CDH23: variants seen among roughly 807,000 people sequenced by gnomAD.
The protein encoded by CDH23 is cadherin related 23, also known as cadherin-23.
A neutral mutation model predicts 317.1 loss-of-function variants in CDH23; 189 were observed. The observed-to-expected ratio is 0.60, with a 90% confidence interval of 0.53 to 0.67. The LOEUF is 0.67. Ranked by LOEUF, CDH23 falls within the 30% of genes least tolerant of loss-of-function variation. The probability of loss-of-function intolerance (pLI) is 0.00; values close to 1 mark genes in which losing one functional copy is unlikely to be tolerated. For missense variants in CDH23, 4,401 were observed against 4,592.4 expected (o/e 0.96, Z 1.20); for synonymous variants, 1,839 against 1,876.8 (o/e 0.98, Z 0.52).
At chr10:71,586,704 C>A (rs1331387795) in intron 9 of CDH23, among the ~76,000 whole-genome samples, 1 of 152,202 alleles carries the variant, frequency 6.6e-6, no homozygotes, top group African/African-American at 2.4e-5. Context: ...TTGAATCCTG[C>A]ATTCTCTTAT....
chr10:71,444,151 C>A (rs781084888), intron 2 of CDH23, among the ~76,000 whole-genome samples: 2 of 152,248 alleles, frequency 1.3e-5, no homozygotes, highest in Non-Finnish European at 2.9e-5. Flanking sequence ...AAAGCCTTCC[C>A]GTCGGCTGCA....
chr10:71,781,669 T>G (rs1475067251), intron 41 of CDH23, among the ~76,000 whole-genome samples: 1 of 152,160 alleles, frequency 6.6e-6, no homozygotes, highest in Non-Finnish European at 1.5e-5. Flanking sequence ...ATTTGGGGCC[T>G]TGTGGGGGAG....
chr10:71,610,991 C>T (rs899039400), intron 9 of CDH23, among the ~76,000 whole-genome samples: 1 of 152,118 alleles, frequency 6.6e-6, no homozygotes, highest in South Asian at 2.1e-4. Context: ...CCTGTCCACC[C>T]AGGGGAAGCA....
intron 9 of CDH23, among the ~76,000 whole-genome samples, chr10:71,587,379 C>T (rs1170097663): frequency 1.3e-5 from 2 of 152,194 alleles, no homozygotes; most frequent in Admixed American, 1.3e-4. Flanking sequence ...CCAGTGAGTA[C>T]TTATTGAGTG....
intron 28 of CDH23, chr10:71,716,383 T>C: frequency 6.9e-7 from 1 of 1,445,408 alleles, no homozygotes; most frequent in Non-Finnish European, 9.2e-7. Flanking sequence ...GCAGATCAGC[T>C]GGACCCAGGG....
At chr10:71,480,454 G>A (rs1852009018) in intron 3 of CDH23, among the ~76,000 whole-genome samples, 1 of 152,226 alleles carries the variant, frequency 6.6e-6, no homozygotes, top group Admixed American at 6.5e-5. Context: ...CGAAAGTGAG[G>A]CCCAGCACAG....
chr10:71,670,812 T>G (rs1864111943), intron 14 of CDH23, among the ~76,000 whole-genome samples: 1 of 152,132 alleles, frequency 6.6e-6, no homozygotes, highest in Non-Finnish European at 1.5e-5. Context: ...ATGAGAGCCT[T>G]CACAAGTAGT....
intron 9 of CDH23, among the ~76,000 whole-genome samples, chr10:71,613,630 T>C (rs2132510375): frequency 6.6e-6 from 1 of 152,306 alleles, no homozygotes; most frequent in Admixed American, 6.5e-5. Context: ...TGAGAATAGC[T>C]TCTGTCCCAA....
chr10:71,624,730 T>C (rs1315549641), intron 11 of CDH23, among the ~76,000 whole-genome samples: 2 of 123,444 alleles, frequency 1.6e-5, no homozygotes, highest in East Asian at 2.6e-4. Context: ...ACTTTAGACA[T>C]TAGCTATTAT....
intron 22 of CDH23, among the ~76,000 whole-genome samples, chr10:71,697,006 C>T (rs1865415992): frequency 6.6e-6 from 1 of 152,246 alleles, no homozygotes; most frequent in Admixed American, 6.5e-5. Context: ...TCAACCCTCA[C>T]CTTTCCCTTA....
chr10:71,539,740 G>C (rs931576769), intron 6 of CDH23, among the ~76,000 whole-genome samples: 3 of 151,276 alleles, frequency 2.0e-5, no homozygotes, highest in African/African-American at 7.3e-5. Flanking sequence ...CTCCATACCT[G>C]TTTCTCTTAG....
chr10:71,802,806 T>C (rs1431389904), intron 53 of CDH23, 92 bp from the exon 54 acceptor site: 1 of 1,374,654 alleles, frequency 7.3e-7, no homozygotes, highest in Non-Finnish European at 1.0e-6. Context: ...GTGCCTGTCC[T>C]TCCTCTATCC....
chr10:71,645,879 C>T lies in CDH23; in HGVS notation c.1189C>T (p.His397Tyr). 1.2e-6 allele frequency: 2 copies of T among 1,613,550 alleles called. No individual in the cohort carries two copies. The highest frequency in any genetic ancestry group is 2.2e-5 in the South Asian group (2 of 91,044). ...EVYLVGNNSHHFIISPTSVQG... is the reference protein window; with the variant it reads ...EVYLVGNNSHYFIISPTSVQG... ...GTACTTGGTGGGGAACAACTCCCACCACTTCATCATCTCCCCGACCTCCGT... is the reference window on the plus strand; with the variant it reads ...GTACTTGGTGGGGAACAACTCCCACTACTTCATCATCTCCCCGACCTCCGT... The change falls in exon 13 of 70, where the codon CAC becomes TAC. Residue 397 changes from histidine (H) to tyrosine (Y), a missense_variant. By Grantham distance (83) the His-to-Tyr change is moderately conservative. This residue lies in a region of CDH23 where 3,068 missense variants were observed against 3,203.3 expected (regional missense o/e 0.96). Coordinates refer to ENST00000224721, the MANE Select transcript of CDH23 (RefSeq NM_022124.6).
chr10:71,561,782 A>C (rs1228791267), intron 6 of CDH23, among the ~76,000 whole-genome samples: 3 of 151,150 alleles, frequency 2.0e-5, no homozygotes, highest in Non-Finnish European at 4.4e-5. Context: ...ATGGGTGTAC[A>C]TTTGGGGAGA....
intron 9 of CDH23, among the ~76,000 whole-genome samples, chr10:71,594,242 G>C (rs749898560): frequency 6.6e-5 from 10 of 152,066 alleles, no homozygotes; most frequent in Admixed American, 2.6e-4. Context: ...ATAAAAAATT[G>C]TGCTCAATTA....
chr10:71,749,412 T>C (rs1407250892), intron 38 of CDH23: 1 of 152,250 alleles, frequency 6.6e-6, no homozygotes, highest in African/African-American at 2.4e-5. Context: ...GCTTAAGCGG[T>C]CCTTCCACCT....
chr10:71,478,859 A>T (rs1048840511), intron 3 of CDH23, among the ~76,000 whole-genome samples: 6 of 152,226 alleles, frequency 3.9e-5, no homozygotes, highest in Admixed American at 3.9e-4. Flanking sequence ...TTAACAAATG[A>T]CTTGGCCAAA....
rs913295506 is a variant in CDH23 at position 71,499,791 on chromosome 10, A to C, written c.146-10291A>C. ...GACGCAGAGGTTGCAGTGAGCTGAG[A>C]TCATGCCATTGCACTCCAGCCTGAG... On this transcript the variant is annotated intron_variant, in intron 3 of 69. Coordinates refer to ENST00000224721, the MANE Select transcript of CDH23 (RefSeq NM_022124.6). 2.0e-5 allele frequency among the ~76,000 whole-genome samples: 3 copies of C among 152,286 alleles called. No individual in the cohort carries two copies. The East Asian group carries it at 5.8e-4, about 29-fold the overall frequency.
At chr10:71,590,700 C>T (rs903845304) in intron 9 of CDH23, among the ~76,000 whole-genome samples, 3 of 151,770 alleles carry the variant, frequency 2.0e-5, no homozygotes, top group Admixed American at 6.6e-5. Context: ...GCTTTCAGTC[C>T]TCTTTAGAAG....
Sources: gnomAD v4.1 joint callset for allele counts (sites outside exome capture counted in the v4.1 genomes callset) on GRCh38, gnomAD v4.1.1 for gene constraint, gnomAD v4.1.1 regional missense constraint, MANE v1.5 for transcripts, NCBI Gene and HGNC (gene_info 2026-07-23, HGNC 2026-07-21) for gene names.